FLT4: variants seen among roughly 807,000 people sequenced by gnomAD.
The protein encoded by FLT4 is vascular endothelial growth factor receptor 3.
Under a neutral mutation model 163.2 loss-of-function variants are expected in FLT4, and 30 were observed. The observed-to-expected ratio is 0.18, with a 90% CI of 0.14 to 0.25. The LOEUF (loss-of-function observed/expected upper bound fraction) is 0.25. Among genes scored for constraint, FLT4 ranks in the 10% least tolerant of loss-of-function variants. FLT4 has a pLI of 1.00. For synonymous variants in FLT4, 884 were observed against 789.5 expected (o/e 1.12, Z -2.01); for missense variants, 1,510 against 1,863.8 (o/e 0.81, Z 3.50).
intron 1 of FLT4, among the ~76,000 whole-genome samples, chr5:180,641,292 A>G (rs1421410254): frequency 6.6e-6 from 1 of 152,296 alleles, no homozygotes; most frequent in East Asian, 1.9e-4. Flanking sequence ...CTCTGTCCCC[A>G]GGCCCAACAC....
chr5:180,614,048 G>C lies in FLT4; in HGVS notation c.3331+20C>G. 6.5e-7 allele frequency: 1 copy of C among 1,547,346 alleles called. No individual in the cohort carries two copies. Among genetic ancestry groups the C allele is most frequent in the South Asian group, 1.1e-5 (1 of 89,800 alleles). On this transcript the variant is annotated intron_variant, in intron 24 of 29. Coordinates refer to ENST00000261937, the MANE Select transcript of FLT4 (RefSeq NM_182925.5). ...GTGACCTCGCCTCCTCTCCCCACCGGCACCCCATCCTGCACTCACCCAGAG... is the reference window on the plus strand; with the variant it reads ...GTGACCTCGCCTCCTCTCCCCACCGCCACCCCATCCTGCACTCACCCAGAG...
Position 180,630,796 on chromosome 5 carries a change from T to A in FLT4, c.159A>T (p.Gly53=). Residue 53 remains glycine (G), a synonymous_variant, in exon 3 of 30, where the codon GGA becomes GGT. Transcript: ENST00000261937. The surrounding 1 kb of genome is among the most constrained non-coding windows in gnomAD (Gnocchi z 6.3). ...GCCAAGCCCACTCGAGGGGGTGCTG[T>A]CCCCTGGCAGAGGACAGGAGTGGTC... ...TGDSLSISCR[G]QHPLEWAWPG... 6.2e-7 allele frequency: 1 copy of A among 1,601,596 alleles called. No homozygotes were observed. The highest frequency in any genetic ancestry group is 8.5e-7 in the Non-Finnish European group (1 of 1,178,340).
In FLT4 at chr5:180,607,559, T is replaced by G. The variant is rs374798676; in HGVS notation, c.3893+1409A>C. Among the ~76,000 whole-genome samples, 21 of 151,194 alleles carry G rather than the reference T, an allele frequency of 1.4e-4. No homozygotes were observed. The East Asian group carries it at 2.1e-3, about 15-fold the overall frequency. ...GGAAGGCTGAGGCAGGAGAATGGCGTGAACCCAGGAGGCGGAGGTTGCAGC... is the reference window on the plus strand; with the variant it reads ...GGAAGGCTGAGGCAGGAGAATGGCGGGAACCCAGGAGGCGGAGGTTGCAGC... On this transcript the variant is annotated intron_variant, in intron 29 of 29. Transcript: ENST00000261937.
At chr5:180,608,900 C>G in intron 29 of FLT4, 68 bp downstream of exon 29, 1 of 1,370,136 alleles carries the variant, frequency 7.3e-7, no homozygotes, top group Non-Finnish European at 1.0e-6. Flanking sequence ...CACCCAGACC[C>G]CAGCCTCCCT....
In FLT4 at chr5:180,630,491, G is replaced by A; in HGVS notation, c.400+64C>T. On this transcript the variant is annotated intron_variant, in intron 3 of 29. Coordinates refer to ENST00000261937, the MANE Select transcript of FLT4 (RefSeq NM_182925.5). The surrounding 1 kb of genome is among the most constrained non-coding windows in gnomAD (Gnocchi z 6.3). ...CCTGCCAGCCCAGGGTCCACAGGCT[G>A]GGGGCGGTGTGGGCCCCAGCTGCCC... 1 of 1,604,278 alleles carries A rather than the reference G, an allele frequency of 6.2e-7. No homozygotes were observed. Among genetic ancestry groups the A allele is most frequent in the Non-Finnish European group, 8.5e-7 (1 of 1,175,862 alleles).
At chr5:180,612,218 C>A (rs1253080626) in intron 26 of FLT4, among the ~76,000 whole-genome samples, 1 of 152,180 alleles carries the variant, frequency 6.6e-6, no homozygotes, top group Non-Finnish European at 1.5e-5. Flanking sequence ...GATGGGGCTG[C>A]CTCACAGGCC....
rs543750724 is a variant in FLT4 at position 180,604,864 on chromosome 5, T to G, written c.3894-1474A>C. On this transcript the variant is annotated intron_variant, in intron 29 of 29. Coordinates refer to ENST00000261937, the MANE Select transcript of FLT4 (RefSeq NM_182925.5). Reference sequence around the variant, plus strand: ...TTCTGATCCTTTTGCCTCTTTTCAGTTTTGTTTTCCTCTTTTCACGTCCAT... The same window carrying G: ...TTCTGATCCTTTTGCCTCTTTTCAGGTTTGTTTTCCTCTTTTCACGTCCAT... Among the ~76,000 whole-genome samples the G allele has an allele frequency of 4.9e-4, 74 of 152,358 alleles. 1 individual carries two copies. The South Asian group carries it at 0.011, about 22-fold the overall frequency.
chr5:180,629,529 C>G lies in FLT4; in HGVS notation c.817-102G>C, dbSNP rs533491766. 2.0e-6 allele frequency: 3 copies of G among 1,513,800 alleles called. No individual in the cohort carries two copies. The East Asian group carries it at 6.9e-5, about 35-fold the overall frequency. 93.8% of individuals were successfully genotyped at this position (1,513,800 alleles called of 1,614,324 possible). On this transcript the variant is annotated intron_variant, in intron 6 of 29. Transcript: ENST00000261937. ...CCCAGCCAGCGGTGGCTCCGGAAGC[C>G]CTGGACCCAGGCCCTGAGTTTTCTT...
chr5:180,610,827 G>A (rs1314357862), intron 27 of FLT4, among the ~76,000 whole-genome samples: 1 of 152,266 alleles, frequency 6.6e-6, no homozygotes, highest in Non-Finnish European at 1.5e-5. Flanking sequence ...GGAGGCCGAG[G>A]CAGGCAGATC....
chr5:180,621,872 G>T lies in FLT4; in HGVS notation c.1690C>A (p.Pro564Thr). Residue 564 changes from proline to threonine, a missense_variant, in exon 13 of 30, where the codon CCA becomes ACA. By Grantham distance (38) the Pro-to-Thr change is conservative. Transcript: ENST00000261937. Reference sequence around the variant, plus strand: ...TGGCCCTCTAGTAGCTCCTCGGATGGCTTGGATTCGATGGTGAAGCCGTCG... The same window carrying T: ...TGGCCCTCTAGTAGCTCCTCGGATGTCTTGGATTCGATGGTGAAGCCGTCG... Reference protein sequence around the residue: ...IPDGFTIESKPSEELLEGQPV... With the variant: ...IPDGFTIESKTSEELLEGQPV... 6.2e-7 allele frequency: 1 copy of T among 1,613,514 alleles called. No individual in the cohort carries two copies.
chr5:180,619,024 G>A lies in FLT4; in HGVS notation c.2847C>T (p.Cys949=), dbSNP rs2127807465. The change falls in exon 20 of 30, where the codon TGC becomes TGT. Residue 949 remains cysteine, a synonymous_variant. Coordinates refer to ENST00000261937, the MANE Select transcript of FLT4 (RefSeq NM_182925.5). ...GCCCCGCAGGCCGCCCGCTCACCGC[G>A]CAGGGGCTGAAGGCGTCCCGCTTGG... ...LRAKRDAFSP[C]AEKSPEQRGR... is the part of the protein sequence containing the mutation. The A allele has an allele frequency of 1.3e-6, 2 of 1,552,344 alleles. No homozygotes were observed. The highest frequency in any genetic ancestry group is 1.7e-6 in the Non-Finnish European group (2 of 1,148,780).
chr5:180,645,881 G>C (rs1288015405), intron 1 of FLT4, among the ~76,000 whole-genome samples: 1 of 152,152 alleles, frequency 6.6e-6, no homozygotes, highest in Non-Finnish European at 1.5e-5. Flanking sequence ...TCTAGGGGGT[G>C]TGAGAGGCTC....
At position 180,603,306 on chromosome 5, in the gene FLT4, G is replaced by A. The variant is rs1478037040; in HGVS notation, c.3978C>T (p.Ala1326=). Residue 1326 remains alanine, a synonymous_variant, in exon 30 of 30, where the codon GCC becomes GCT. Transcript: ENST00000261937. ...QGRRRRPERG[A]RGGQVFYNSE... ...TGTTGTAAAACACCTGGCCTCCTCGGGCCCCCCGCTCAGGCCGCCGCCGCC... is the reference window on the plus strand; with the variant it reads ...TGTTGTAAAACACCTGGCCTCCTCGAGCCCCCCGCTCAGGCCGCCGCCGCC... 1 of 1,613,978 alleles carries A rather than the reference G, an allele frequency of 6.2e-7. No homozygotes were observed. The highest frequency in any genetic ancestry group is 2.2e-5 in the East Asian group (1 of 44,886).
chr5:180,608,565 A>G (rs886153442), intron 29 of FLT4, among the ~76,000 whole-genome samples: 6 of 152,034 alleles, frequency 3.9e-5, no homozygotes. Context: ...CGGACCCTAC[A>G]CCAGCCAGTT....
chr5:180,624,934 C>A (rs899169), intron 10 of FLT4, among the ~76,000 whole-genome samples: 13,892 of 152,258 alleles, frequency 0.091, 1,070 homozygotes, highest in East Asian at 0.4. Context: ...ACAGAGCATA[C>A]AGGTGGCACA....
chr5:180,620,610 C>G lies in FLT4; in HGVS notation c.2405G>C (p.Arg802Thr). 1 of 1,607,406 alleles carries G rather than the reference C, an allele frequency of 6.2e-7. No homozygotes were observed. The highest frequency in any genetic ancestry group is 1.1e-5 in the South Asian group (1 of 90,946). The change falls in exon 16 of 30, where the codon AGG becomes ACG. Residue 802 changes from arginine (R) to threonine (T), a missense_variant and splice_region_variant. This residue lies in a region of FLT4 where 878 missense variants were observed against 1,016.7 expected (regional missense o/e 0.86). Coordinates refer to ENST00000261937, the MANE Select transcript of FLT4 (RefSeq NM_182925.5). The surrounding 1 kb of genome is among the most constrained non-coding windows in gnomAD (Gnocchi z 4.4). Reference protein sequence around the residue: ...LLLLIFCNMRRPAHADIKTGY... With the variant: ...LLLLIFCNMRTPAHADIKTGY... The stretch of plus-strand genomic sequence containing the variant: ...TCAGGAGCGGGGAGGGACACTCACC[C>G]TCCTCATGTTACAGAAGATGAGGAG...
In FLT4 at chr5:180,623,163, C is replaced by CG. The variant is rs1763306644; in HGVS notation, c.1549-325dup. Among the ~76,000 whole-genome samples the CG allele has an allele frequency of 6.6e-6, 1 of 152,098 alleles. No homozygotes were observed. The highest frequency in any genetic ancestry group is 1.5e-5 in the Non-Finnish European group (1 of 68,018). On this transcript the variant is annotated intron_variant, in intron 11 of 29. Transcript: ENST00000261937. The surrounding 1 kb of genome is among the most constrained non-coding windows in gnomAD (Gnocchi z 5.8). ...CGTGGCTATGTTGAGGGGGCACCAGCGTCAGTGCAAGCCAGGGTGAGAATT... is the reference window on the plus strand; with the variant it reads ...CGTGGCTATGTTGAGGGGGCACCAGCGGTCAGTGCAAGCCAGGGTGAGAATT...
intron 26 of FLT4, 164 bp from the exon 27 acceptor site, chr5:180,611,643 T>C: frequency 1.3e-6 from 1 of 746,850 alleles, no homozygotes; most frequent in Non-Finnish European, 2.2e-6. Flanking sequence ...CCCTCAGCCC[T>C]CGCTCTGCCC....
In FLT4 at chr5:180,622,857, C is replaced by G; in HGVS notation, c.1549-18G>C. The G allele has an allele frequency of 6.4e-7, 1 of 1,571,632 alleles. No individual in the cohort carries two copies. The highest frequency in any genetic ancestry group is 8.8e-7 in the Non-Finnish European group (1 of 1,142,376). ...CTCACAGTCTGGGAGAGCACAGGCA[C>G]AAGGATCCATTTCCTGCCCAAGTTC... On this transcript the variant is annotated intron_variant, in intron 11 of 29. Transcript: ENST00000261937.
Sources: gnomAD v4.1 joint callset for allele counts (sites outside exome capture counted in the v4.1 genomes callset) on GRCh38, gnomAD v4.1.1 for gene constraint, gnomAD v4.1.1 regional missense constraint, Gnocchi (gnomAD v3.1) non-coding constraint, MANE v1.5 for transcripts, NCBI Gene and HGNC (gene_info 2026-07-23, HGNC 2026-07-21) for gene names.